The following FLT3 variants were observed in gnomAD, a reference collection of about 807,000 sequenced individuals.
FLT3 encodes the protein receptor-type tyrosine-protein kinase FLT3.
Under a neutral mutation model 126.6 loss-of-function variants are expected in FLT3, and 46 were observed. The ratio of observed to expected loss-of-function variants is 0.36; its 90% CI spans 0.29 to 0.46. FLT3 has a LOEUF of 0.46. Among genes scored for constraint, FLT3 ranks in the 20% least tolerant of loss-of-function variants. The probability of loss-of-function intolerance (pLI) is 1.00; values close to 1 mark genes in which losing one functional copy is unlikely to be tolerated. For synonymous variants in FLT3, 404 were observed against 434.4 expected, an observed-to-expected ratio of 0.93 and a Z score of 0.87; for missense variants, 1,069 against 1,190.3, an observed-to-expected ratio of 0.90 and a Z score of 1.50.
At chr13:28,006,046 GCCAAGAGTTCAAGACCAAACTAAC>G (rs1271493910) in intron 23 of FLT3, among the ~76,000 whole-genome samples, 1 of 152,062 alleles carries the variant, frequency 6.6e-6, no homozygotes, top group Non-Finnish European at 1.5e-5. Flanking sequence ...ATTGCTTGAG[GCCAAGAGTTCAAGACCAAACTAAC>G]CAACATAGCA....
chr13:28,050,833 G>T, intron 5 of FLT3, among the ~76,000 whole-genome samples: 1 of 61,786 alleles, frequency 1.6e-5, no homozygotes. Flanking sequence ...CTTCTATTTG[G>T]TCCTATTTTA....
chr13:28,091,361 A>G (rs1249291454), intron 1 of FLT3, among the ~76,000 whole-genome samples: 2 of 148,790 alleles, frequency 1.3e-5, no homozygotes, highest in East Asian at 4.0e-4. Flanking sequence ...AGCTGGGACT[A>G]CAGGCGCCCG....
chr13:28,098,113 G>A (rs780830742), intron 1 of FLT3, among the ~76,000 whole-genome samples: 16 of 151,876 alleles, frequency 1.1e-4, no homozygotes, highest in African/African-American at 2.4e-4. Flanking sequence ...TCAGGAGTTC[G>A]AGACCAGCCT....
Position 28,034,396 on chromosome 13 carries a change from A to C in FLT3, c.1609T>G (p.Phe537Val), listed in dbSNP as rs752449869. Residue 537 changes from phenylalanine (F) to valine (V), a missense_variant, in exon 13 of 24, where the codon TTC (phenylalanine) becomes GTC (valine). Transcript: ENST00000241453. ...TAGAATGAGATGTTGTCTTGGATGAAAGGGAAGGGGCCTGCAACAAAAGAG... is the reference window on the plus strand; with the variant it reads ...TAGAATGAGATGTTGTCTTGGATGACAGGGAAGGGGCCTGCAACAAAAGAG... ...ILLNSPGPFP[F>V]IQDNISFYAT... The C allele has an allele frequency of 3.1e-6, 5 of 1,612,976 alleles. No homozygotes were observed. Among genetic ancestry groups the C allele is most frequent in the Admixed American group, 3.3e-5 (2 of 60,028 alleles).
rs777508330 is a variant in FLT3, at chr13:28,024,952, A to G, written c.2208-9T>C. ...CTCTTGAACCAGGCATGCTATTAAA[A>G]AATTTTGTTTTTTCATTATTTACAT... On this transcript the variant is annotated splice_polypyrimidine_tract_variant and intron_variant, in intron 17 of 23. Coordinates refer to ENST00000241453, the MANE Select transcript of FLT3 (RefSeq NM_004119.3). 6.3e-7 allele frequency: 1 copy of G among 1,592,018 alleles called. No individual in the cohort carries two copies. The highest frequency in any genetic ancestry group is 1.1e-5 in the South Asian group (1 of 87,278).
rs552505380 is a variant in FLT3 at position 28,035,676 on chromosome 13, GA to G, written c.1419-4del. The G allele has an allele frequency of 5.8e-4, 794 of 1,373,554 alleles. 1 individual carries two copies. The highest frequency in any genetic ancestry group is 2.3e-3 in the Admixed American group (108 of 47,352). The allele number at this position is 1,373,554 out of a possible 1,614,324, so 85.1% of individuals were successfully genotyped here. A position where few individuals can be genotyped will look rare whatever the true frequency, so the allele number is the denominator to read the frequency against. ...CTTCTGTGATCTCTTCTGTGCAGCT[GA>G]AAAAAAAAATAGCAAAGAATTTAGA... is the stretch of plus-strand genomic sequence containing the variant. On this transcript the variant is annotated splice_region_variant and splice_polypyrimidine_tract_variant and intron_variant, in intron 11 of 23. Coordinates refer to ENST00000241453, the MANE Select transcript of FLT3 (RefSeq NM_004119.3).
chr13:28,037,452 T>G (rs999104382), intron 9 of FLT3, among the ~76,000 whole-genome samples, 164 bp from the exon 10 acceptor site: 28 of 152,184 alleles, frequency 1.8e-4, no homozygotes, highest in Admixed American at 1.8e-3. Context: ...ACTCAAAGTG[T>G]GGTCCACAGA....
chr13:28,091,640 T>C (rs565161182), intron 1 of FLT3, among the ~76,000 whole-genome samples: 6 of 152,164 alleles, frequency 3.9e-5, no homozygotes, highest in Non-Finnish European at 8.8e-5. Context: ...AACTACTGTC[T>C]ATCTGCTGGT....
chr13:28,087,889 T>C (rs1012088522), intron 1 of FLT3, among the ~76,000 whole-genome samples: 2 of 152,206 alleles, frequency 1.3e-5, no homozygotes, highest in Non-Finnish European at 2.9e-5. Context: ...CTTCTTAACA[T>C]GTACAATCTT....
intron 2 of FLT3, among the ~76,000 whole-genome samples, chr13:28,063,433 T>A (rs1214024148): frequency 6.6e-6 from 1 of 152,124 alleles, no homozygotes; most frequent in Admixed American, 6.5e-5. Flanking sequence ...TGAGCCTAGA[T>A]CCCGCCAATG....
intron 2 of FLT3, among the ~76,000 whole-genome samples, chr13:28,064,835 A>G (rs1433229886): frequency 2.0e-5 from 3 of 152,210 alleles, no homozygotes; most frequent in African/African-American, 7.2e-5. Context: ...TTCACTCACC[A>G]TTTGAGCCAG....
intron 1 of FLT3, among the ~76,000 whole-genome samples, chr13:28,096,719 A>G (rs1879478369): frequency 6.6e-6 from 1 of 152,208 alleles, no homozygotes; most frequent in African/African-American, 2.4e-5. Context: ...GGCATGAGCC[A>G]TCGCACCCAG....
At chr13:28,029,131 C>G (rs1434230720) in intron 15 of FLT3, among the ~76,000 whole-genome samples, 2 of 152,138 alleles carry the variant, frequency 1.3e-5, no homozygotes, top group African/African-American at 4.8e-5. Flanking sequence ...TGGCTCACAC[C>G]TGTAATCCCA....
chr13:28,063,334 G>T (rs1208750242), intron 2 of FLT3, among the ~76,000 whole-genome samples: 1 of 152,108 alleles, frequency 6.6e-6, no homozygotes, highest in Non-Finnish European at 1.5e-5. Context: ...CAAAAAATTA[G>T]CTGGGTGTGG....
intron 23 of FLT3, among the ~76,000 whole-genome samples, chr13:28,011,358 GGAGGA>G (rs1871344393): frequency 6.8e-6 from 1 of 146,566 alleles, no homozygotes; most frequent in Non-Finnish European, 1.5e-5. Context: ...GGAGGGGAGG[GGAGGA>G]GAGAAGATTC....
intron 15 of FLT3, among the ~76,000 whole-genome samples, chr13:28,030,444 G>A (rs896540411): frequency 6.6e-6 from 1 of 152,132 alleles, no homozygotes; most frequent in Non-Finnish European, 1.5e-5. Context: ...TACTCTGTAA[G>A]AGCCAATGTC....
At chr13:28,091,207 C>CTTTTTTTTTTTTTT (rs572410744) in intron 1 of FLT3, among the ~76,000 whole-genome samples, 12 of 36,580 alleles carry the variant, frequency 3.3e-4, no homozygotes, top group African/African-American at 1.2e-3. Context: ...GCCCCATTTT[C>CTTTTTTTTTTTTTT]TTTTTTTTTT....
chr13:28,048,171 C>T (rs1875073172), intron 9 of FLT3, 104 bp downstream of exon 9: 2 of 828,446 alleles, frequency 2.4e-6, no homozygotes, highest in Non-Finnish European at 3.9e-6. Context: ...TAGTTAAACT[C>T]ATAAGTGAAT....
chr13:28,058,717 A>G lies in FLT3; in HGVS notation c.369-1255T>C, dbSNP rs549394686. Among the ~76,000 whole-genome samples the G allele has an allele frequency of 2.0e-5, 3 of 152,368 alleles. 1 individual carries two copies. Among genetic ancestry groups the G allele is most frequent in the Admixed American group, 6.5e-5 (1 of 15,300 alleles). On this transcript the variant is annotated intron_variant, in intron 3 of 23. Coordinates refer to ENST00000241453, the MANE Select transcript of FLT3 (RefSeq NM_004119.3). ...CCCAGGCAATCCAAATACAGGTTAT[A>G]TTCGAGAAGCCCTGCTTTAAAGCAG...
Sources: allele counts gnomAD v4.1 joint callset (sites outside exome capture counted in the v4.1 genomes callset), GRCh38; gene constraint gnomAD v4.1.1; transcripts MANE v1.5; gene names NCBI Gene and HGNC (gene_info 2026-07-23, HGNC 2026-07-21).